Variants in CNTN1 observed in about 807,000 individuals in gnomAD.
The protein encoded by CNTN1 is contactin 1.
CNTN1 carries 38 observed loss-of-function variants against 126.4 expected under a neutral mutation model. That is an observed-to-expected ratio of 0.30 (90% CI 0.23 to 0.39). The LOEUF (loss-of-function observed/expected upper bound fraction) is 0.39. Ranked by LOEUF, CNTN1 falls within the 10% of genes least tolerant of loss-of-function variation. The probability of loss-of-function intolerance (pLI) is 1.00; values close to 1 mark genes in which losing one functional copy is unlikely to be tolerated. For synonymous variants in CNTN1, 413 were observed against 422.6 expected (o/e 0.98, Z 0.28); for missense variants, 1,009 against 1,248.4 (o/e 0.81, Z 2.89).
At chr12:40,964,597 C>T (rs1404721141) in intron 15 of CNTN1, among the ~76,000 whole-genome samples, 2 of 150,316 alleles carry the variant, frequency 1.3e-5, no homozygotes, top group African/African-American at 4.9e-5. Context: ...GGAAAAAATA[C>T]AGTTACAGAA....
At position 40,925,589 on chromosome 12, in the gene CNTN1, ATGTATATATATATATACG is replaced by A. The variant is rs1565961832; in HGVS notation, c.496+955_496+972del. Among the ~76,000 whole-genome samples the A allele has an allele frequency of 6.8e-5, 9 of 132,912 alleles. No homozygotes were observed. The South Asian group carries it at 1.6e-3, about 23-fold the overall frequency. 87.2% of individuals were successfully genotyped at this position (132,912 alleles called of 152,430 possible). ...TATATACGTATATACGTATATATAC[ATGTATATATATATATACG>A]TGTATATATATATATACACATATAT... On this transcript the variant is annotated intron_variant, in intron 6 of 23. Transcript: ENST00000551295.
chr12:41,028,542 G>A (rs1247983508), intron 22 of CNTN1, among the ~76,000 whole-genome samples: 1 of 152,172 alleles, frequency 6.6e-6, no homozygotes, highest in East Asian at 1.9e-4. Flanking sequence ...GTTTGGCAAT[G>A]ATTATGATAG....
intron 1 of CNTN1, among the ~76,000 whole-genome samples, chr12:40,713,440 A>G (rs1467585190): frequency 2.1e-5 from 3 of 145,906 alleles, no homozygotes; most frequent in South Asian, 2.2e-4. Context: ...TTTATATTAT[A>G]CTAAATAAAG....
intron 16 of CNTN1, among the ~76,000 whole-genome samples, chr12:40,981,298 T>C (rs1029166195): frequency 1.3e-5 from 2 of 152,148 alleles, no homozygotes; most frequent in African/African-American, 4.8e-5. Context: ...AATCAATATA[T>C]AATGGAAAGC....
At chr12:41,063,953 G>C (rs1000610009) in intron 23 of CNTN1, among the ~76,000 whole-genome samples, 8 of 152,102 alleles carry the variant, frequency 5.3e-5, no homozygotes, top group African/African-American at 1.4e-4. Flanking sequence ...GAGGCGGGCG[G>C]ATCACGAGGT....
At chr12:41,020,823 A>C (rs1294075837) in intron 20 of CNTN1, among the ~76,000 whole-genome samples, 1 of 152,226 alleles carries the variant, frequency 6.6e-6, no homozygotes, top group Non-Finnish European at 1.5e-5. Context: ...TCTTTGAGTC[A>C]GTAGTTCCAT....
At chr12:40,797,115 C>T (rs1167249729) in intron 1 of CNTN1, among the ~76,000 whole-genome samples, 2 of 151,946 alleles carry the variant, frequency 1.3e-5, no homozygotes, top group East Asian at 1.9e-4. Context: ...TTTGGCACCC[C>T]CTATGTGCCC....
At chr12:40,892,459 G>A (rs1214885632) in intron 1 of CNTN1, among the ~76,000 whole-genome samples, 1 of 151,976 alleles carries the variant, frequency 6.6e-6, no homozygotes, top group African/African-American at 2.4e-5. Flanking sequence ...GCTGTATTAG[G>A]TTACTGACTC....
chr12:40,949,284 T>TG (rs1946565755), intron 14 of CNTN1, among the ~76,000 whole-genome samples: 2 of 119,706 alleles, frequency 1.7e-5, no homozygotes. Context: ...GAAAGGTTTC[T>TG]TTTTTTATAT....
chr12:40,808,420 A>G (rs1200977951), intron 1 of CNTN1, among the ~76,000 whole-genome samples: 3 of 152,174 alleles, frequency 2.0e-5, no homozygotes, highest in Non-Finnish European at 2.9e-5. Context: ...ATGTCATCGA[A>G]CATCATATAA....
At position 40,824,537 on chromosome 12, in the gene CNTN1, T is replaced by C. The variant is rs146476653; in HGVS notation, c.-76-83820T>C. ...AATTGAGGCAGGATTTAAACTCTCATTGGCTGACTCCAAAAACTGTATTGT... is the reference window on the plus strand; with the variant it reads ...AATTGAGGCAGGATTTAAACTCTCACTGGCTGACTCCAAAAACTGTATTGT... On this transcript the variant is annotated intron_variant, in intron 1 of 23. Transcript: ENST00000551295. Among the ~76,000 whole-genome samples the C allele has an allele frequency of 5.9e-5, 9 of 152,244 alleles. No individual in the cohort carries two copies. The East Asian group carries it at 1.7e-3, about 29-fold the overall frequency.
At chr12:40,976,784 G>A (rs576805915) in intron 15 of CNTN1, among the ~76,000 whole-genome samples, 42 of 152,214 alleles carry the variant, frequency 2.8e-4, no homozygotes, top group African/African-American at 9.9e-4. Context: ...ACACTGCAGG[G>A]CTGGCCCTGG....
At chr12:40,696,118 C>A (rs1228477131) in intron 1 of CNTN1, among the ~76,000 whole-genome samples, 1 of 152,140 alleles carries the variant, frequency 6.6e-6, no homozygotes, top group Non-Finnish European at 1.5e-5. Context: ...TAAGGTTTGG[C>A]CCATGGTAAT....
At chr12:40,930,217 G>C (rs561222557) in intron 7 of CNTN1, among the ~76,000 whole-genome samples, 115 of 152,078 alleles carry the variant, frequency 7.6e-4, no homozygotes, top group African/African-American at 2.6e-3. Flanking sequence ...GTTGAGTTCG[G>C]ATGAGTTGCC....
chr12:40,812,248 A>G (rs1409386290), intron 1 of CNTN1, among the ~76,000 whole-genome samples: 3 of 152,038 alleles, frequency 2.0e-5, no homozygotes, highest in Admixed American at 6.6e-5. Flanking sequence ...AAGATACTTA[A>G]TATGATTTCA....
rs551002538 is a variant in CNTN1, at chr12:40,944,143, G to T, written c.1656G>T (p.Glu552Asp). The T allele has an allele frequency of 6.2e-7, 1 of 1,613,244 alleles. No individual in the cohort carries two copies. The highest frequency in any genetic ancestry group is 1.3e-5 in the African/African-American group (1 of 74,980). ...FNGYVIDFNK[E>D]NIHYQRNFML... The stretch of plus-strand genomic sequence containing the variant: ...GCTATGTGATCGATTTTAACAAAGA[G>T]AATATTCACTACCAGAGGAATTTTA... Residue 552 changes from glutamate to aspartate, a missense_variant, in exon 14 of 24, where the codon GAG (glutamate) becomes GAT (aspartate). By Grantham distance (45) the Glu-to-Asp change is conservative. Transcript: ENST00000551295.
rs559609702 is a variant in CNTN1 at position 40,992,480 on chromosome 12, T to C, written c.1964-640T>C. ...TCTACCTTGGTTGCATGTTTTATTA[T>C]ACCTCAATTAAATAAGCAAGCTAAG... On this transcript the variant is annotated intron_variant, in intron 16 of 23. Transcript: ENST00000551295. Among the ~76,000 whole-genome samples, 10 of 152,160 alleles carry C rather than the reference T, an allele frequency of 6.6e-5. No individual in the cohort carries two copies. The South Asian group carries it at 1.9e-3, about 28-fold the overall frequency.
At chr12:40,972,571 T>A in intron 15 of CNTN1, 1 of 770,734 alleles carries the variant, frequency 1.3e-6, no homozygotes, top group Non-Finnish European at 1.6e-6. Flanking sequence ...ATATATAGTT[T>A]AACTTTAAAA....
intron 1 of CNTN1, among the ~76,000 whole-genome samples, chr12:40,802,141 T>A (rs955915786): frequency 6.6e-6 from 1 of 151,954 alleles, no homozygotes; most frequent in Non-Finnish European, 1.5e-5. Context: ...CAGAATGAAA[T>A]AACCAAGTAG....
Sources: gnomAD v4.1 joint callset for allele counts (sites outside exome capture counted in the v4.1 genomes callset) on GRCh38, gnomAD v4.1.1 for gene constraint, MANE v1.5 for transcripts, NCBI Gene and HGNC (gene_info 2026-07-23, HGNC 2026-07-21) for gene names.